The following ARHGEF10 variants were observed in gnomAD, a reference collection of about 807,000 sequenced individuals.
ARHGEF10 encodes Rho guanine nucleotide exchange factor 10, also known as Rho guanine nucleotide exchange factor (GEF) 10.
A neutral mutation model predicts 147.4 loss-of-function variants in ARHGEF10; 140 were observed. That is an observed-to-expected ratio of 0.95 (90% confidence interval 0.83 to 1.09). ARHGEF10 has a LOEUF of 1.09. ARHGEF10 is among the 50% of genes least tolerant of loss of function. The pLI, the probability that ARHGEF10 is intolerant of heterozygous loss-of-function variation, is 0.00. For missense variants in ARHGEF10, 2,222 were observed against 1,752.7 expected (o/e 1.27, Z -4.78); for synonymous variants, 902 against 695.8 (o/e 1.30, Z -4.67).
chr8:1,876,377 G>C (rs999315935), intron 7 of ARHGEF10, 194 bp from the exon 8 acceptor site: 1 of 633,764 alleles, frequency 1.6e-6, no homozygotes, highest in African/African-American at 1.8e-5. Context: ...CAGCCTCCCC[G>C]GCCCTGCCCG....
chr8:1,837,683 T>G (rs1244679170), intron 1 of ARHGEF10, among the ~76,000 whole-genome samples: 1 of 151,660 alleles, frequency 6.6e-6, no homozygotes, highest in Non-Finnish European at 1.5e-5. Context: ...GGGGGAAGAG[T>G]GTGCTTCTGG....
In ARHGEF10 at chr8:1,916,771, T is replaced by C. The variant is rs4633104; in HGVS notation, c.2144-6193T>C. 5.9e-5 allele frequency among the ~76,000 whole-genome samples: 9 copies of C among 152,344 alleles called. 1 individual carries two copies. In the East Asian group the frequency reaches 1.7e-3, roughly 29 times the overall value. On this transcript the variant is annotated intron_variant, in intron 18 of 28. Transcript: ENST00000349830. The stretch of plus-strand genomic sequence containing the variant: ...ATGATGCTGTTTAAAAATTACCCTC[T>C]TTCTCCTGGGAATTAATTCTTGTTC...
At position 1,956,304 on chromosome 8, in the gene ARHGEF10, G is replaced by A. The variant is rs545915335; in HGVS notation, c.3521-445G>A. Among the ~76,000 whole-genome samples, 3 of 152,276 alleles carry A rather than the reference G, an allele frequency of 2.0e-5. No individual in the cohort carries two copies. In the South Asian group the frequency reaches 6.2e-4, roughly 32 times the overall value. On this transcript the variant is annotated intron_variant, in intron 28 of 28. Transcript: ENST00000349830. ...CTGAACCCCAGAACGTTTTTGTAAT[G>A]AAAAATGGCAGGCAGCCGGTAGTTT...
intron 7 of ARHGEF10, among the ~76,000 whole-genome samples, chr8:1,874,191 T>G (rs1015737816): frequency 8.5e-5 from 13 of 152,240 alleles, no homozygotes; most frequent in Admixed American, 7.8e-4. Context: ...TCAAAGTCCT[T>G]GGAAGTTCCG....
chr8:1,896,337 C>G lies in ARHGEF10; in HGVS notation c.1445C>G (p.Ser482Cys), dbSNP rs1248691287. 11 of 1,612,508 alleles carry G rather than the reference C, an allele frequency of 6.8e-6. No individual in the cohort carries two copies. The highest frequency in any genetic ancestry group is 9.3e-6 in the Non-Finnish European group (11 of 1,178,618). Residue 482 changes from serine to cysteine, a missense_variant, in exon 14 of 29, where the codon TCT becomes TGT. Ser to Cys is a moderately radical substitution (Grantham distance 112). Transcript: ENST00000349830. Reference sequence around the variant, plus strand: ...GAATTTCCTCCTGTGTTTCAGTTTTCTAAGTCCATGGTGCTGGATGCATAC... The same window carrying G: ...GAATTTCCTCCTGTGTTTCAGTTTTGTAAGTCCATGGTGCTGGATGCATAC... ...MIGDVFVASF[S>C]KSMVLDAYSE...
At chr8:1,860,898 G>C (rs2129077086) in intron 4 of ARHGEF10, among the ~76,000 whole-genome samples, 1 of 152,268 alleles carries the variant, frequency 6.6e-6, no homozygotes, top group Non-Finnish European at 1.5e-5. Flanking sequence ...GTGGGGGTGG[G>C]AGAATTGCCT....
At chr8:1,911,538 C>G (rs907477660) in intron 18 of ARHGEF10, among the ~76,000 whole-genome samples, 2 of 152,154 alleles carry the variant, frequency 1.3e-5, no homozygotes, top group Non-Finnish European at 2.9e-5. Flanking sequence ...TTTTTTCCGG[C>G]GTCAGGTAAG....
At chr8:1,900,976 A>C (rs1360888607) in intron 15 of ARHGEF10, among the ~76,000 whole-genome samples, 2 of 152,056 alleles carry the variant, frequency 1.3e-5, no homozygotes, top group African/African-American at 2.4e-5. Flanking sequence ...AGTTTCCCTC[A>C]GGGACACTTT....
rs889158044 is a variant in ARHGEF10 at position 1,876,143 on chromosome 8, T to A, written c.680-428T>A. ...ATCCATCCACCTACCCATATTTCTATAATCCACCGTCCATCGACATGCCTA... is the reference window on the plus strand; with the variant it reads ...ATCCATCCACCTACCCATATTTCTAAAATCCACCGTCCATCGACATGCCTA... On this transcript the variant is annotated intron_variant, in intron 7 of 28. Coordinates refer to ENST00000349830, the MANE Select transcript of ARHGEF10 (RefSeq NM_014629.4). 8 of 220,544 alleles carry A rather than the reference T, an allele frequency of 3.6e-5. No individual in the cohort carries two copies. The Admixed American group carries it at 4.2e-4, about 11-fold the overall frequency. The allele number at this position is 220,544 out of a possible 1,614,324, so 13.7% of individuals were successfully genotyped here.
intron 8 of ARHGEF10, among the ~76,000 whole-genome samples, chr8:1,878,849 A>G (rs1807928551): frequency 6.6e-6 from 1 of 152,122 alleles, no homozygotes; most frequent in Admixed American, 6.5e-5. Context: ...GGGGAAAGCC[A>G]GCACACAGTG....
chr8:1,866,634 C>G (rs1806644742), intron 6 of ARHGEF10, 32 bp downstream of exon 6: 4 of 1,592,586 alleles, frequency 2.5e-6, no homozygotes, highest in East Asian at 2.2e-5. Context: ...AGCCAGAATC[C>G]TCACCACGCT....
At chr8:1,833,762 T>C (rs1803413429) in intron 1 of ARHGEF10, among the ~76,000 whole-genome samples, 1 of 152,328 alleles carries the variant, frequency 6.6e-6, no homozygotes, top group South Asian at 2.1e-4. Flanking sequence ...CCGGCCCCAC[T>C]GCCTTCTTTA....
chr8:1,861,327 G>A lies in ARHGEF10; in HGVS notation c.481+1143G>A, dbSNP rs117600093. 2.2e-3 allele frequency among the ~76,000 whole-genome samples: 338 copies of A among 152,354 alleles called. 14 individuals are homozygous for A. The East Asian group carries it at 0.058, about 26-fold the overall frequency. On this transcript the variant is annotated intron_variant, in intron 4 of 28. Transcript: ENST00000349830. ...ACAGCGTGCAGTCCGTGGCTGCTTC[G>A]ACTGCAGCCCAAGGGCTGGGGCCTC...
intron 17 of ARHGEF10, among the ~76,000 whole-genome samples, chr8:1,906,619 G>A (rs113155932): frequency 1.1e-4 from 16 of 152,264 alleles, no homozygotes; most frequent in Admixed American, 3.3e-4. Flanking sequence ...GCAGGTCAGC[G>A]CTCAGGAGTC....
chr8:1,859,980 T>G lies in ARHGEF10; in HGVS notation c.277T>G (p.Ser93Ala). 1.2e-6 allele frequency: 2 copies of G among 1,614,150 alleles called. No individual in the cohort carries two copies. The highest frequency in any genetic ancestry group is 1.7e-6 in the Non-Finnish European group (2 of 1,180,008). ...LVLPMKVNPY[S>A]VIDITPFQED... ...GCTCCCGATGAAAGTCAACCCATAT[T>G]CTGTCATCGACATCACGCCATTCCA... Residue 93 changes from serine (S) to alanine (A), a missense_variant, in exon 4 of 29, where the codon TCT becomes GCT. Transcript: ENST00000349830.
chr8:1,887,455 G>C (rs541298241), intron 11 of ARHGEF10, among the ~76,000 whole-genome samples: 88 of 145,820 alleles, frequency 6.0e-4, no homozygotes, highest in African/African-American at 2.3e-3. Context: ...GATACTGAGT[G>C]GGGTGTGAGG....
chr8:1,860,060 C>A lies in ARHGEF10; in HGVS notation c.357C>A (p.Leu119=). The stretch of plus-strand genomic sequence containing the variant: ...GCGCTGAGGAGGAGAATGTGGGTCT[C>A]CATGTGCCCTGCGGGTACTTGGTGC... ...VPSAEEENVG[L]HVPCGYLVPV... is the part of the protein sequence containing the mutation. Residue 119 remains leucine, a synonymous_variant, in exon 4 of 29, where the codon CTC becomes CTA. Coordinates refer to ENST00000349830, the MANE Select transcript of ARHGEF10 (RefSeq NM_014629.4). 2.5e-6 allele frequency: 4 copies of A among 1,614,170 alleles called. No individual in the cohort carries two copies. The highest frequency in any genetic ancestry group is 3.4e-6 in the Non-Finnish European group (4 of 1,180,016).
chr8:1,928,313 T>G, intron 23 of ARHGEF10, 114 bp from the exon 24 acceptor site: 3 of 944,000 alleles, frequency 3.2e-6, no homozygotes, highest in Non-Finnish European at 5.2e-6. Flanking sequence ...TTTAAGTGTG[T>G]TGATTCTCAC....
intron 2 of ARHGEF10, among the ~76,000 whole-genome samples, chr8:1,847,507 T>C (rs915445009): frequency 1.3e-5 from 2 of 152,178 alleles, no homozygotes; most frequent in African/African-American, 2.4e-5. Context: ...CAAAAAATCA[T>C]TTACCAAATA....
Sources: gnomAD v4.1 joint callset for allele counts (sites outside exome capture counted in the v4.1 genomes callset) on GRCh38, gnomAD v4.1.1 for gene constraint, MANE v1.5 for transcripts, NCBI Gene and HGNC (gene_info 2026-07-23, HGNC 2026-07-21) for gene names.